The following ERC2 variants were observed in gnomAD, a reference collection of about 807,000 sequenced individuals.
The protein encoded by ERC2 is ELKS/RAB6-interacting/CAST family member 2.
In ERC2, 42 loss-of-function variants were observed where a neutral mutation model predicts 114.8. The observed-to-expected ratio is 0.37, with a 90% confidence interval of 0.29 to 0.47. ERC2 has a LOEUF of 0.47. ERC2 is among the 20% of genes least tolerant of loss of function. The pLI is 0.99. For synonymous variants in ERC2, 454 were observed against 425.5 expected (o/e 1.07, Z -0.82); for missense variants, 939 against 1,150.7 (o/e 0.82, Z 2.66).
At chr3:55,699,275 G>T (rs535948645) in intron 16 of ERC2, 103 bp downstream of exon 16, 2 of 1,418,068 alleles carry the variant, frequency 1.4e-6, no homozygotes, top group Admixed American at 3.5e-5. Flanking sequence ...TTCAAAGAAC[G>T]TATCACTTTA....
chr3:56,216,159 G>T (rs1043718592), intron 3 of ERC2, among the ~76,000 whole-genome samples: 38 of 152,196 alleles, frequency 2.5e-4, no homozygotes, highest in African/African-American at 8.9e-4. Context: ...AGAACTGAAA[G>T]TGATAGAGAT....
At chr3:56,104,633 ATTTT>A in intron 6 of ERC2, among the ~76,000 whole-genome samples, 1 of 148,704 alleles carries the variant, frequency 6.7e-6, no homozygotes, top group African/African-American at 2.5e-5. Context: ...TAGATCCTGT[ATTTT>A]TTTTTTTTTT....
intron 3 of ERC2, among the ~76,000 whole-genome samples, chr3:56,215,672 C>G (rs1421059265): frequency 6.6e-6 from 1 of 152,182 alleles, no homozygotes. Context: ...CTCTCCACCC[C>G]AAATCAACAG....
intron 14 of ERC2, among the ~76,000 whole-genome samples, chr3:55,774,918 CTT>C (rs2068482689): frequency 6.6e-6 from 1 of 152,212 alleles, no homozygotes; most frequent in African/African-American, 2.4e-5. Context: ...CAATTTGGTT[CTT>C]GCCTCATTAA....
intron 14 of ERC2, among the ~76,000 whole-genome samples, chr3:55,763,652 T>C (rs1575525954): frequency 6.6e-6 from 1 of 152,200 alleles, no homozygotes; most frequent in East Asian, 1.9e-4. Context: ...GTAAATAGTA[T>C]AGACACAGAC....
intron 13 of ERC2, among the ~76,000 whole-genome samples, chr3:55,894,403 G>T (rs1040291452): frequency 6.6e-6 from 1 of 152,086 alleles, no homozygotes; most frequent in Non-Finnish European, 1.5e-5. Context: ...CCAGAAGAAG[G>T]ATTATTTGGG....
chr3:55,914,006 C>T (rs1412525366), intron 13 of ERC2, among the ~76,000 whole-genome samples: 1 of 131,412 alleles, frequency 7.6e-6, no homozygotes, highest in Non-Finnish European at 1.6e-5. Flanking sequence ...AATATTCTTG[C>T]CCCTTTATGA....
chr3:55,737,284 C>T (rs1415394772), intron 14 of ERC2, among the ~76,000 whole-genome samples: 2 of 152,184 alleles, frequency 1.3e-5, no homozygotes, highest in African/African-American at 4.8e-5. Context: ...CAGGAAATAT[C>T]TCCATTTTCC....
intron 17 of ERC2, among the ~76,000 whole-genome samples, chr3:55,639,566 T>C (rs2060090984): frequency 6.6e-6 from 1 of 152,132 alleles, no homozygotes; most frequent in Admixed American, 6.5e-5. Context: ...AACAAACAAG[T>C]GAATAACTGG....
At chr3:55,626,465 G>A (rs1329152757) in intron 17 of ERC2, among the ~76,000 whole-genome samples, 1 of 152,172 alleles carries the variant, frequency 6.6e-6, no homozygotes, top group Admixed American at 6.5e-5. Flanking sequence ...CTAGGCTCTG[G>A]AATCCCTGAG....
intron 17 of ERC2, among the ~76,000 whole-genome samples, chr3:55,542,063 G>A (rs371929128): frequency 3.3e-5 from 5 of 152,168 alleles, no homozygotes; most frequent in Admixed American, 2.6e-4. Flanking sequence ...TTTTACTGTT[G>A]AGAAAATTGA....
chr3:56,212,465 T>A (rs1415938002), intron 3 of ERC2, among the ~76,000 whole-genome samples: 2 of 152,142 alleles, frequency 1.3e-5, no homozygotes, highest in East Asian at 1.9e-4. Flanking sequence ...TAAATGTTGG[T>A]GTGGACGTGG....
At chr3:56,411,903 GA>G (rs1189701111) in intron 2 of ERC2, among the ~76,000 whole-genome samples, 1 of 152,172 alleles carries the variant, frequency 6.6e-6, no homozygotes, top group East Asian at 1.9e-4. Flanking sequence ...TACTGCAACA[GA>G]AAAAAAGCTG....
At chr3:56,221,942 A>C (rs143803249) in intron 3 of ERC2, among the ~76,000 whole-genome samples, 184 of 150,108 alleles carry the variant, frequency 1.2e-3, no homozygotes, top group African/African-American at 4.4e-3. Context: ...TTCCTGAAAC[A>C]ATCTACACAA....
intron 14 of ERC2, among the ~76,000 whole-genome samples, chr3:55,827,732 C>A (rs1277697296): frequency 1.3e-5 from 2 of 152,172 alleles, no homozygotes; most frequent in African/African-American, 4.8e-5. Flanking sequence ...CCCATGGTAC[C>A]TGGGTCCCTG....
chr3:55,788,990 C>T (rs1408491438), intron 14 of ERC2, among the ~76,000 whole-genome samples: 2 of 152,164 alleles, frequency 1.3e-5, no homozygotes, highest in African/African-American at 4.8e-5. Context: ...TCTCTAACAC[C>T]ACAGACTAGT....
chr3:55,912,306 G>C (rs1180572869), intron 13 of ERC2, among the ~76,000 whole-genome samples: 1 of 152,166 alleles, frequency 6.6e-6, no homozygotes, highest in Non-Finnish European at 1.5e-5. Context: ...GAAAGATAAT[G>C]ATGACCATGG....
intron 7 of ERC2, chr3:56,072,360 T>C (rs1007571752): frequency 6.6e-6 from 1 of 152,220 alleles, no homozygotes; most frequent in Admixed American, 6.5e-5. Flanking sequence ...TATTAAAGGA[T>C]GCAAGAGCAA....
intron 7 of ERC2, among the ~76,000 whole-genome samples, chr3:56,050,076 A>G (rs2149682536): frequency 6.6e-6 from 1 of 152,314 alleles, no homozygotes; most frequent in Non-Finnish European, 1.5e-5. Context: ...GCAAAGGGGC[A>G]TGAGGGAATT....
Sources: gnomAD v4.1 joint callset for allele counts (sites outside exome capture counted in the v4.1 genomes callset) on GRCh38, gnomAD v4.1.1 for gene constraint, MANE v1.5 for transcripts, NCBI Gene and HGNC (gene_info 2026-07-23, HGNC 2026-07-21) for gene names.